PLA2R1: variants seen among roughly 807,000 people sequenced by gnomAD.
PLA2R1 encodes phospholipase A2 receptor 1.
PLA2R1 carries 158 observed loss-of-function variants against 195.9 expected under a neutral mutation model. The observed-to-expected ratio is 0.81, with a 90% confidence interval of 0.71 to 0.92. The LOEUF (loss-of-function observed/expected upper bound fraction) is 0.92, where lower values mean the gene tolerates loss of function less well. PLA2R1 is among the 40% of genes least tolerant of loss of function. The pLI, the probability that PLA2R1 is intolerant of heterozygous loss-of-function variation, is 0.00. For synonymous variants in PLA2R1, 586 were observed against 598.2 expected (o/e 0.98, Z 0.30); for missense variants, 1,626 against 1,764.6 (o/e 0.92, Z 1.41).
intron 10 of PLA2R1, among the ~76,000 whole-genome samples, chr2:160,006,614 A>C (rs1438078680): frequency 2.0e-5 from 3 of 152,234 alleles, no homozygotes; most frequent in African/African-American, 7.2e-5. Flanking sequence ...GACTATTAAA[A>C]TTTAACTAGC....
intron 3 of PLA2R1, among the ~76,000 whole-genome samples, chr2:160,040,244 T>C (rs1313704317): frequency 1.3e-5 from 2 of 152,058 alleles, no homozygotes; most frequent in East Asian, 1.9e-4. Context: ...GGTTGGTGAA[T>C]AGCCACTGTT....
chr2:160,037,012 G>C (rs745825059), intron 3 of PLA2R1, among the ~76,000 whole-genome samples: 1 of 152,158 alleles, frequency 6.6e-6, no homozygotes, highest in Admixed American at 6.5e-5. Context: ...TCCAACACCT[G>C]ACAGCTCTGC....
chr2:160,010,327 T>C (rs1459489625), intron 10 of PLA2R1, among the ~76,000 whole-genome samples: 1 of 152,202 alleles, frequency 6.6e-6, no homozygotes. Context: ...GGAAGCAAAG[T>C]GGCCAGGCCT....
At chr2:160,032,241 G>C (rs1289090981) in intron 4 of PLA2R1, among the ~76,000 whole-genome samples, 2 of 152,088 alleles carry the variant, frequency 1.3e-5, no homozygotes, top group Non-Finnish European at 2.9e-5. Flanking sequence ...AATAAACATG[G>C]ACTACATATG....
At chr2:159,998,641 T>C (rs137947762) in intron 11 of PLA2R1, among the ~76,000 whole-genome samples, 1 of 152,278 alleles carries the variant, frequency 6.6e-6, no homozygotes, top group African/African-American at 2.4e-5. Context: ...AGTTTCAATG[T>C]CCTACTCTGG....
chr2:160,038,224 G>C (rs1189880542), intron 3 of PLA2R1, among the ~76,000 whole-genome samples: 1 of 152,218 alleles, frequency 6.6e-6, no homozygotes, highest in Non-Finnish European at 1.5e-5. Flanking sequence ...TTTTTAAGAT[G>C]TTATTTCAAG....
intron 7 of PLA2R1, 52 bp from the exon 8 acceptor site, chr2:160,020,315 G>A (rs1345865436): frequency 7.7e-7 from 1 of 1,298,764 alleles, no homozygotes; most frequent in African/African-American, 1.5e-5. Flanking sequence ...TTGCAAAGGA[G>A]ATAACACCCT....
At chr2:159,972,284 T>C (rs1305738387) in intron 17 of PLA2R1, among the ~76,000 whole-genome samples, 7 of 152,048 alleles carry the variant, frequency 4.6e-5, no homozygotes, top group Admixed American at 3.9e-4. Context: ...AATGTGAAAA[T>C]GGATGTTTGA....
At chr2:159,961,543 T>C (rs1688437509) in intron 20 of PLA2R1, among the ~76,000 whole-genome samples, 1 of 152,226 alleles carries the variant, frequency 6.6e-6, no homozygotes, top group African/African-American at 2.4e-5. Flanking sequence ...CTGTTAGTTA[T>C]CAATAATTTT....
At chr2:159,959,637 T>A (rs1688307720) in intron 20 of PLA2R1, among the ~76,000 whole-genome samples, 1 of 152,178 alleles carries the variant, frequency 6.6e-6, no homozygotes, top group Admixed American at 6.6e-5. Flanking sequence ...CATTTCTAGC[T>A]CAATATTTGG....
At chr2:159,974,120 C>T (rs1347158529) in intron 17 of PLA2R1, among the ~76,000 whole-genome samples, 1 of 152,154 alleles carries the variant, frequency 6.6e-6, no homozygotes, top group Non-Finnish European at 1.5e-5. Context: ...AGAAGCCCTT[C>T]ATTGTTCATG....
At chr2:159,971,407 T>C (rs1417975937) in intron 17 of PLA2R1, among the ~76,000 whole-genome samples, 1 of 152,154 alleles carries the variant, frequency 6.6e-6, no homozygotes, top group Non-Finnish European at 1.5e-5. Flanking sequence ...ATTAATCACT[T>C]GGACCTAAGT....
chr2:160,022,133 A>C (rs1300314834), intron 7 of PLA2R1, among the ~76,000 whole-genome samples: 3 of 152,238 alleles, frequency 2.0e-5, no homozygotes, highest in Non-Finnish European at 4.4e-5. Flanking sequence ...GCATAAGTCT[A>C]TGTCAAATAC....
At chr2:160,025,868 C>G (rs570317297) in intron 6 of PLA2R1, among the ~76,000 whole-genome samples, 8 of 152,026 alleles carry the variant, frequency 5.3e-5, no homozygotes, top group African/African-American at 1.9e-4. Flanking sequence ...TAGGAGTCAA[C>G]GAGAGAAAAT....
At chr2:160,039,144 G>A (rs1156666240) in intron 3 of PLA2R1, among the ~76,000 whole-genome samples, 5 of 152,154 alleles carry the variant, frequency 3.3e-5, no homozygotes, top group Non-Finnish European at 7.4e-5. Context: ...GGGATTACAG[G>A]TGTGAGCCAC....
chr2:159,946,940 A>C, intron 26 of PLA2R1, 23 bp from the exon 27 acceptor site: 2 of 1,424,554 alleles, frequency 1.4e-6, no homozygotes, highest in Non-Finnish European at 2.0e-6. Flanking sequence ...CAAGTAGCAA[A>C]GGAATATTTG....
At chr2:160,003,676 T>A (rs904497633) in intron 11 of PLA2R1, among the ~76,000 whole-genome samples, 1 of 152,208 alleles carries the variant, frequency 6.6e-6, no homozygotes, top group East Asian at 1.9e-4. Flanking sequence ...GCTGCCACTC[T>A]CAAATTTTGT....
intron 11 of PLA2R1, among the ~76,000 whole-genome samples, chr2:159,989,603 T>G (rs1057278699): frequency 6.6e-6 from 1 of 152,212 alleles, no homozygotes; most frequent in Non-Finnish European, 1.5e-5. Context: ...ACAATAGGCC[T>G]TGTCTAAAAT....
At chr2:159,985,539 A>T (rs1469057755) in intron 12 of PLA2R1, among the ~76,000 whole-genome samples, 2 of 152,196 alleles carry the variant, frequency 1.3e-5, no homozygotes, top group African/African-American at 4.8e-5. Context: ...AAAAATAGAA[A>T]TGTCTTCACT....
Sources: gnomAD v4.1 joint callset for allele counts (sites outside exome capture counted in the v4.1 genomes callset) on GRCh38, gnomAD v4.1.1 for gene constraint, MANE v1.5 for transcripts, NCBI Gene and HGNC (gene_info 2026-07-23, HGNC 2026-07-21) for gene names.